CACNG3: variants seen among roughly 807,000 people sequenced by gnomAD.
CACNG3 encodes calcium voltage-gated channel auxiliary subunit gamma 3.
CACNG3 carries 3 observed loss-of-function variants against 28.5 expected under a neutral mutation model. The ratio of observed to expected loss-of-function variants is 0.11; its 90% CI spans 0.05 to 0.27. The LOEUF is 0.27. CACNG3 is among the 10% of genes least tolerant of loss of function. CACNG3 has a pLI of 1.00. For synonymous variants in CACNG3, 174 were observed against 162.2 expected (o/e 1.07, Z -0.55); for missense variants, 236 against 414.4 (o/e 0.57, Z 3.74).
In CACNG3 at chr16:24,361,836, G is replaced by A. The variant is rs12928078; in HGVS notation, c.921G>A (p.Pro307=). ...KEFKESLHNN[P]ANRRTTPV The stretch of plus-strand genomic sequence containing the variant: ...TCAAAGAGTCACTGCATAATAATCC[G>A]GCCAACAGGCGCACCACGCCCGTCT... The change falls in exon 4 of 4, where the codon CCG becomes CCA. Residue 307 remains proline (P), a synonymous_variant. Transcript: ENST00000005284. The surrounding 1 kb of genome is among the most constrained non-coding windows in gnomAD (Gnocchi z 6.8). 64,892 of 1,610,680 alleles carry A rather than the reference G, an allele frequency of 0.04. 1,504 individuals are homozygous for A. The highest frequency in any genetic ancestry group is 0.057 in the South Asian group (5,214 of 91,002).
chr16:24,358,535 A>C (rs745545745), intron 3 of CACNG3, among the ~76,000 whole-genome samples: 11 of 152,132 alleles, frequency 7.2e-5, no homozygotes, highest in South Asian at 2.1e-4. Flanking sequence ...CCACTTATTC[A>C]CCCATTCAAC....
chr16:24,317,564 AAGAAAGAAAGAAAG>A (rs1393999093), intron 1 of CACNG3, among the ~76,000 whole-genome samples: 1 of 42,278 alleles, frequency 2.4e-5, no homozygotes, highest in East Asian at 6.0e-4. Flanking sequence ...AAAAGAAAGA[AAGAAAGAAAGAAAG>A]AAAGAAAGAA....
At chr16:24,304,825 G>A (rs1478882612) in intron 1 of CACNG3, among the ~76,000 whole-genome samples, 1 of 152,070 alleles carries the variant, frequency 6.6e-6, no homozygotes, top group African/African-American at 2.4e-5. Flanking sequence ...TCCTCCCAAA[G>A]TGCTGGGATT....
At chr16:24,346,861 G>A (rs1166513517) in intron 2 of CACNG3, 44 bp downstream of exon 2, 12 of 1,476,138 alleles carry the variant, frequency 8.1e-6, no homozygotes, top group Non-Finnish European at 1.1e-5. Flanking sequence ...GGAAGGGATG[G>A]GCCTCTGCCA....
chr16:24,268,825 T>A (rs1189993397), intron 1 of CACNG3, among the ~76,000 whole-genome samples: 1 of 151,956 alleles, frequency 6.6e-6, no homozygotes, highest in African/African-American at 2.4e-5. Flanking sequence ...TCCTGAGGAG[T>A]AAACTTGAGC....
At chr16:24,286,742 G>A (rs541982783) in intron 1 of CACNG3, among the ~76,000 whole-genome samples, 10 of 152,340 alleles carry the variant, frequency 6.6e-5, no homozygotes, top group African/African-American at 1.9e-4. Context: ...GGAAACTGAG[G>A]CCTGGAAAGT....
chr16:24,317,648 A>AAAGAAAGAAAGAAAGGAAAAGAAAGAAAG (rs1491194402), intron 1 of CACNG3, among the ~76,000 whole-genome samples: 1 of 55,732 alleles, frequency 1.8e-5, no homozygotes, highest in African/African-American at 8.4e-5. Flanking sequence ...GAAAGAAAAG[A>AAAGAAAGAAAGAAAGGAAAAGAAAGAAAG]AAAGAAAGAA....
At chr16:24,350,130 C>T (rs1169997738) in intron 2 of CACNG3, among the ~76,000 whole-genome samples, 1 of 152,134 alleles carries the variant, frequency 6.6e-6, no homozygotes, top group African/African-American at 2.4e-5. Flanking sequence ...GGTGGGCTTC[C>T]ACTGACTTAG....
At chr16:24,293,329 G>A (rs1274875391) in intron 1 of CACNG3, among the ~76,000 whole-genome samples, 1 of 152,020 alleles carries the variant, frequency 6.6e-6, no homozygotes, top group Non-Finnish European at 1.5e-5. Flanking sequence ...TGACCTCAAT[G>A]GTCCTCCAAC....
At chr16:24,325,160 T>G (rs954479858) in intron 1 of CACNG3, among the ~76,000 whole-genome samples, 1 of 152,200 alleles carries the variant, frequency 6.6e-6, no homozygotes, top group Non-Finnish European at 1.5e-5. Flanking sequence ...CTGTGTCTAC[T>G]GGGGGAAGAG....
At chr16:24,258,419 G>A (rs1898497446) in intron 1 of CACNG3, among the ~76,000 whole-genome samples, 1 of 152,154 alleles carries the variant, frequency 6.6e-6, no homozygotes, top group African/African-American at 2.4e-5. Flanking sequence ...GCAAAGTATC[G>A]CTGTGGCCTT....
At chr16:24,351,603 G>A (rs1218776919) in intron 2 of CACNG3, among the ~76,000 whole-genome samples, 2 of 124,602 alleles carry the variant, frequency 1.6e-5, no homozygotes, top group East Asian at 4.6e-4. Context: ...GGAAGGGGAA[G>A]GGGAAGGGGA....
chr16:24,273,537 A>G (rs965181057), intron 1 of CACNG3, among the ~76,000 whole-genome samples: 17 of 152,140 alleles, frequency 1.1e-4, no homozygotes, highest in African/African-American at 4.1e-4. Flanking sequence ...GTTGCATCCT[A>G]TTCTGTAACT....
At chr16:24,287,162 T>C (rs1024631984) in intron 1 of CACNG3, among the ~76,000 whole-genome samples, 1 of 152,210 alleles carries the variant, frequency 6.6e-6, no homozygotes, top group African/African-American at 2.4e-5. Flanking sequence ...GAGACACTGG[T>C]CACCCTTGGT....
At chr16:24,312,696 C>T (rs1314859533) in intron 1 of CACNG3, among the ~76,000 whole-genome samples, 1 of 151,544 alleles carries the variant, frequency 6.6e-6, no homozygotes, top group African/African-American at 2.4e-5. Context: ...CACACACCTG[C>T]AGTCCCAGCT....
chr16:24,263,638 T>C (rs1218389428), intron 1 of CACNG3, among the ~76,000 whole-genome samples: 2 of 152,174 alleles, frequency 1.3e-5, no homozygotes, highest in East Asian at 1.9e-4. Context: ...GATCCTGTTA[T>C]TTACTGACTA....
chr16:24,324,064 G>A (rs1222931670), intron 1 of CACNG3, among the ~76,000 whole-genome samples: 1 of 152,120 alleles, frequency 6.6e-6, no homozygotes, highest in Non-Finnish European at 1.5e-5. Context: ...GTGAGACAAT[G>A]TACCCAGCCA....
At chr16:24,257,036 T>C (rs113552347) in intron 1 of CACNG3, 71 bp downstream of exon 1, 7 of 948,896 alleles carry the variant, frequency 7.4e-6, no homozygotes, top group Middle Eastern at 2.2e-4. Flanking sequence ...TTGGAGGAGA[T>C]GGAAATGGTG....
chr16:24,357,542 G>A (rs1900049324), intron 3 of CACNG3, among the ~76,000 whole-genome samples: 1 of 152,206 alleles, frequency 6.6e-6, no homozygotes, highest in Admixed American at 6.5e-5. Flanking sequence ...GCTGTGAGAT[G>A]AGAAAGGGAG....
Sources: allele counts gnomAD v4.1 joint callset (sites outside exome capture counted in the v4.1 genomes callset), GRCh38; gene constraint gnomAD v4.1.1; non-coding constraint Gnocchi (gnomAD v3.1); transcripts MANE v1.5; gene names NCBI Gene and HGNC (gene_info 2026-07-23, HGNC 2026-07-21).